The following EBF3 variants were observed in gnomAD, a reference collection of about 807,000 sequenced individuals.
EBF3 encodes EBF transcription factor 3.
Under a neutral mutation model 77.1 loss-of-function variants are expected in EBF3, and 18 were observed. The observed-to-expected ratio is 0.23, with a 90% CI of 0.16 to 0.35. EBF3 has a LOEUF of 0.35. Ranked by LOEUF, EBF3 falls within the 10% of genes least tolerant of loss-of-function variation. EBF3 has a pLI of 1.00. For synonymous variants in EBF3, 350 were observed against 343.5 expected, an observed-to-expected ratio of 1.02 and a Z score of -0.21; for missense variants, 558 against 860.0, an observed-to-expected ratio of 0.65 and a Z score of 4.39.
Position 129,879,947 on chromosome 10 carries a change from G to A in EBF3, c.555-2098C>T, listed in dbSNP as rs907787163. ...TAATCTTCGGAGCAGGCGCCGGCCCGAGAAGCTGCTCATCTGCAAATGTAC... is the reference window on the plus strand; with the variant it reads ...TAATCTTCGGAGCAGGCGCCGGCCCAAGAAGCTGCTCATCTGCAAATGTAC... On this transcript the variant is annotated intron_variant, in intron 6 of 16. Coordinates refer to ENST00000440978, the MANE Select transcript of EBF3 (RefSeq NM_001375380.1). This position sits in a 1 kb window ranked among gnomAD's most constrained non-coding sequence, Gnocchi z 4.7. 3.3e-5 allele frequency among the ~76,000 whole-genome samples: 5 copies of A among 152,168 alleles called. No homozygotes were observed. In the South Asian group the frequency reaches 6.2e-4, roughly 19 times the overall value.
Position 129,842,083 on chromosome 10 carries a change from C to T in EBF3, c.1372+33G>A. On this transcript the variant is annotated intron_variant, in intron 13 of 16. Transcript: ENST00000440978. This position sits in a 1 kb window ranked among gnomAD's most constrained non-coding sequence, Gnocchi z 4.4. Reference sequence around the variant, plus strand: ...CCTCAACCAACCCTCGGAGGGCGTTCAGGGCAGGGGTCCTCCCAGCATGCT... The same window carrying T: ...CCTCAACCAACCCTCGGAGGGCGTTTAGGGCAGGGGTCCTCCCAGCATGCT... The T allele has an allele frequency of 6.2e-7, 1 of 1,613,670 alleles. No individual in the cohort carries two copies. The highest frequency in any genetic ancestry group is 8.5e-7 in the Non-Finnish European group (1 of 1,179,782).
intron 4 of EBF3, 34 bp from the exon 5 acceptor site, chr10:129,959,041 C>T: frequency 1.3e-6 from 2 of 1,595,864 alleles, no homozygotes; most frequent in Non-Finnish European, 1.7e-6. Context: ...TGGGGTTACG[C>T]GGCGCCCGCG....
intron 6 of EBF3, among the ~76,000 whole-genome samples, chr10:129,904,413 G>C (rs1854989589): frequency 6.6e-6 from 1 of 152,138 alleles, no homozygotes; most frequent in Non-Finnish European, 1.5e-5. Flanking sequence ...TGGATGGACA[G>C]ACAGATGATT....
At chr10:129,957,582 T>C (rs1441517242) in intron 5 of EBF3, among the ~76,000 whole-genome samples, 1 of 152,226 alleles carries the variant, frequency 6.6e-6, no homozygotes, top group African/African-American at 2.4e-5. Context: ...ATTGTGATGC[T>C]AAAATATGGA....
chr10:129,960,126 A>T (rs1476247504), intron 4 of EBF3, among the ~76,000 whole-genome samples: 6 of 150,840 alleles, frequency 4.0e-5, no homozygotes, highest in African/African-American at 1.2e-4. Flanking sequence ...AAAAAAAAAA[A>T]GTCTACTGGG....
At chr10:129,937,874 C>T (rs1449322128) in intron 6 of EBF3, among the ~76,000 whole-genome samples, 1 of 152,234 alleles carries the variant, frequency 6.6e-6, no homozygotes, top group Non-Finnish European at 1.5e-5. Context: ...AACATTCCAT[C>T]CCAGCATCTT....
chr10:129,907,792 C>G (rs1855251435), intron 6 of EBF3, among the ~76,000 whole-genome samples: 1 of 152,184 alleles, frequency 6.6e-6, no homozygotes, highest in African/African-American at 2.4e-5. Context: ...CAATAACACT[C>G]TCAGGTAATC....
At chr10:129,907,639 G>C (rs953023451) in intron 6 of EBF3, among the ~76,000 whole-genome samples, 1 of 152,092 alleles carries the variant, frequency 6.6e-6, no homozygotes, top group Non-Finnish European at 1.5e-5. Flanking sequence ...AATTATTAAG[G>C]TTGAATAAAT....
intron 6 of EBF3, among the ~76,000 whole-genome samples, chr10:129,918,637 C>T (rs1199625061): frequency 1.3e-5 from 2 of 152,216 alleles, no homozygotes; most frequent in East Asian, 3.9e-4. Context: ...GGGCCCTGCC[C>T]TACCCCCCTC....
intron 6 of EBF3, among the ~76,000 whole-genome samples, chr10:129,917,681 T>TA (rs1239226466): frequency 3.3e-5 from 2 of 60,474 alleles, no homozygotes; most frequent in South Asian, 1.1e-3. Flanking sequence ...AAAAAAAAAC[T>TA]AAAACCAAGC....
chr10:129,942,582 C>T (rs191143283), intron 6 of EBF3, among the ~76,000 whole-genome samples: 213 of 152,266 alleles, frequency 1.4e-3, no homozygotes, highest in Middle Eastern at 3.4e-3. Flanking sequence ...GCAGACAACT[C>T]GGGCCCCGGG....
chr10:129,887,554 G>A (rs1432360691), intron 6 of EBF3, among the ~76,000 whole-genome samples: 3 of 152,168 alleles, frequency 2.0e-5, no homozygotes, highest in South Asian at 2.1e-4. Context: ...CCAGAATGAC[G>A]TTGGTGCCAT....
At chr10:129,911,292 C>G (rs1855508094) in intron 6 of EBF3, among the ~76,000 whole-genome samples, 1 of 152,198 alleles carries the variant, frequency 6.6e-6, no homozygotes, top group South Asian at 2.1e-4. Context: ...ACCCACAGGC[C>G]TTCTCATCCC....
Position 129,963,872 on chromosome 10 carries a change from C to T in EBF3, c.-104G>A, listed in dbSNP as rs1282771868. 8.0e-7 allele frequency: 1 copy of T among 1,249,578 alleles called. No individual in the cohort carries two copies. Among genetic ancestry groups the T allele is most frequent in the African/African-American group, 1.6e-5 (1 of 61,262 alleles). 77.4% of individuals were successfully genotyped at this position (1,249,578 alleles called of 1,614,324 possible). On this transcript the variant is annotated 5_prime_UTR_variant, in exon 1 of 17. Transcript: ENST00000440978. The surrounding 1 kb of genome is among the most constrained non-coding windows in gnomAD (Gnocchi z 7.1). ...GGCTGCCCTGGCCGCCCTCGCCCTG[C>T]TCGGCGCCTGCGGTCCGGCCCCGCC...
intron 10 of EBF3, among the ~76,000 whole-genome samples, chr10:129,849,176 C>T (rs550374400): frequency 3.9e-5 from 6 of 152,344 alleles, no homozygotes; most frequent in South Asian, 2.1e-4. Context: ...GGGACTCCGT[C>T]CGACTGCACA....
rs499376 is a variant in EBF3, at chr10:129,925,638, C to T, written c.554+31620G>A. Among the ~76,000 whole-genome samples the T allele has an allele frequency of 4.1e-3, 625 of 151,138 alleles. 3 individuals are homozygous for T. Among genetic ancestry groups the T allele is most frequent in the African/African-American group, 0.014 (573 of 41,224 alleles). On this transcript the variant is annotated intron_variant, in intron 6 of 16. Coordinates refer to ENST00000440978, the MANE Select transcript of EBF3 (RefSeq NM_001375380.1). ...AAAGAAAGAAAGTAATGGTGTGATG[C>T]TTACACAACATTCTGAATGTACTTA...
chr10:129,960,850 A>G (rs902647797), intron 4 of EBF3, among the ~76,000 whole-genome samples: 4 of 152,292 alleles, frequency 2.6e-5, no homozygotes, highest in Non-Finnish European at 5.9e-5. Context: ...ACATTTAGCC[A>G]TTATATACAA....
At chr10:129,946,182 C>A (rs1407272984) in intron 6 of EBF3, among the ~76,000 whole-genome samples, 2 of 152,230 alleles carry the variant, frequency 1.3e-5, no homozygotes, top group Non-Finnish European at 2.9e-5. Context: ...GCTGGGCCCT[C>A]GGTCCTGGCC....
chr10:129,913,894 C>A (rs955187573), intron 6 of EBF3, among the ~76,000 whole-genome samples: 5 of 152,238 alleles, frequency 3.3e-5, no homozygotes, highest in African/African-American at 4.8e-5. Context: ...CTGAGTGTAT[C>A]CAGCCATATC....
Sources: gnomAD v4.1 joint callset for allele counts (sites outside exome capture counted in the v4.1 genomes callset) on GRCh38, gnomAD v4.1.1 for gene constraint, Gnocchi (gnomAD v3.1) non-coding constraint, MANE v1.5 for transcripts, NCBI Gene and HGNC (gene_info 2026-07-23, HGNC 2026-07-21) for gene names.